Variants in DAAM1 observed in about 807,000 individuals in gnomAD.
DAAM1 encodes the protein disheveled-associated activator of morphogenesis 1.
A neutral mutation model predicts 130.0 loss-of-function variants in DAAM1; 52 were observed. The ratio of observed to expected loss-of-function variants is 0.40; its 90% CI spans 0.32 to 0.50. The LOEUF is 0.50. DAAM1 is among the 20% of genes least tolerant of loss of function. The probability of loss-of-function intolerance (pLI) is 0.61; values close to 1 mark genes in which losing one functional copy is unlikely to be tolerated. For missense variants in DAAM1, 1,134 were observed against 1,303.8 expected (o/e 0.87, Z 2.01); for synonymous variants, 452 against 444.5 (o/e 1.02, Z -0.21).
Position 59,369,768 on chromosome 14 carries a change from A to AAAG in DAAM1, c.*911_*912insGAA, listed in dbSNP as rs1887082845. 6.6e-6 allele frequency: 1 copy of AAAG among 150,842 alleles called. No homozygotes were observed. Among genetic ancestry groups the AAAG allele is most frequent in the East Asian group, 1.9e-4 (1 of 5,180 alleles). 9.3% of individuals were successfully genotyped at this position (150,842 alleles called of 1,614,324 possible). On this transcript the variant is annotated 3_prime_UTR_variant, in exon 25 of 25. Transcript: ENST00000360909. ...TAAAGATTACTAAAAAAAAAAAAAAAAAAAAAAAATTAATGGGGTGCCTTT... is the reference window on the plus strand; with the variant it reads ...TAAAGATTACTAAAAAAAAAAAAAAAAAGAAAAAAAAATTAATGGGGTGCCTTT...
chr14:59,368,365 A>C (rs1015089999), intron 24 of DAAM1, among the ~76,000 whole-genome samples: 1 of 152,046 alleles, frequency 6.6e-6, no homozygotes, highest in South Asian at 2.1e-4. Flanking sequence ...AGAAACACAA[A>C]TTGCCTCAAT....
chr14:59,275,875 A>G lies in DAAM1; in HGVS notation c.183+12215A>G, dbSNP rs186372539. On this transcript the variant is annotated intron_variant, in intron 2 of 24. Coordinates refer to ENST00000360909, the MANE Select transcript of DAAM1 (RefSeq NM_001270520.2). The stretch of plus-strand genomic sequence containing the variant: ...TCAGACACAGAGAATATTACTGTGT[A>G]GGTGGTGGTGAGTCATATTGTGGTA... 1.1e-3 allele frequency among the ~76,000 whole-genome samples: 170 copies of G among 152,332 alleles called. 2 individuals carry two copies. The highest frequency in any genetic ancestry group is 3.9e-3 in the African/African-American group (162 of 41,576).
intron 1 of DAAM1, among the ~76,000 whole-genome samples, chr14:59,255,786 T>G (rs2139490288): frequency 6.6e-6 from 1 of 152,352 alleles, no homozygotes; most frequent in South Asian, 2.1e-4. Context: ...GAACAATGAC[T>G]ATATTTTAGT....
chr14:59,341,933 C>T (rs1885865809), intron 16 of DAAM1, among the ~76,000 whole-genome samples: 1 of 151,984 alleles, frequency 6.6e-6, no homozygotes, highest in African/African-American at 2.4e-5. Context: ...GACCTCGTTC[C>T]TTATTGACAG....
At chr14:59,265,504 A>C (rs1882393603) in intron 2 of DAAM1, 2 of 152,192 alleles carry the variant, frequency 1.3e-5, no homozygotes, top group Non-Finnish European at 2.9e-5. Context: ...TGGCAACAAA[A>C]GAATAATCAC....
intron 1 of DAAM1, among the ~76,000 whole-genome samples, chr14:59,236,386 C>T (rs1189707776): frequency 6.6e-6 from 1 of 152,054 alleles, no homozygotes; most frequent in East Asian, 1.9e-4. Context: ...TGGCTTCTTG[C>T]CTCTTCCTCT....
chr14:59,347,775 A>T, intron 17 of DAAM1, 152 bp downstream of exon 17: 1 of 682,632 alleles, frequency 1.5e-6, no homozygotes, highest in Non-Finnish European at 2.5e-6. Flanking sequence ...CTGTTAGGAA[A>T]CTTAATGACC....
intron 17 of DAAM1, 74 bp from the exon 18 acceptor site, chr14:59,352,452 A>C: frequency 8.7e-7 from 1 of 1,149,862 alleles, no homozygotes; most frequent in Admixed American, 2.1e-5. Context: ...GGACAGATTA[A>C]CTGAAAGGGT....
intron 14 of DAAM1, 86 bp downstream of exon 14, chr14:59,331,594 G>A: frequency 1.3e-6 from 2 of 1,511,156 alleles, no homozygotes; most frequent in Non-Finnish European, 1.8e-6. Context: ...AGCCCTGGCT[G>A]TTAAATGATT....
At chr14:59,208,222 G>A (rs552641324) in intron 1 of DAAM1, among the ~76,000 whole-genome samples, 1 of 152,152 alleles carries the variant, frequency 6.6e-6, no homozygotes, top group South Asian at 2.1e-4. Flanking sequence ...CCAGTTGACC[G>A]AATAGACACC....
rs984083430 is a variant in DAAM1, at chr14:59,230,346, C to T, written c.-37-33095C>T. 5.9e-5 allele frequency among the ~76,000 whole-genome samples: 9 copies of T among 151,820 alleles called. No homozygotes were observed. The East Asian group carries it at 1.2e-3, about 20-fold the overall frequency. ...CCCCACAAGCTAGGATTCCCTTACC[C>T]AGGAGGCATTGGTGTGCCACGGGGT... On this transcript the variant is annotated intron_variant, in intron 1 of 24. Transcript: ENST00000360909.
In DAAM1 at chr14:59,363,701, G is replaced by A; in HGVS notation, c.2745G>A (p.Val915=). The A allele has an allele frequency of 1.2e-6, 2 of 1,614,164 alleles. No individual in the cohort carries two copies. Among genetic ancestry groups the A allele is most frequent in the African/African-American group, 1.3e-5 (1 of 75,054 alleles). The part of the protein sequence containing the change: ...SQPPQPGDKF[V]SVVSQFITVA... ...CCCCACAGCCCGGAGATAAGTTTGT[G>A]TCTGTTGTCAGCCAGTTCATCACAG... The change falls in exon 23 of 25, where the codon GTG becomes GTA. Residue 915 remains valine, a synonymous_variant. Coordinates refer to ENST00000360909, the MANE Select transcript of DAAM1 (RefSeq NM_001270520.2).
intron 24 of DAAM1, 55 bp downstream of exon 24, chr14:59,367,654 C>T (rs1886973557): frequency 6.4e-7 from 1 of 1,569,548 alleles, no homozygotes; most frequent in Admixed American, 1.8e-5. Context: ...ATGACTGCAG[C>T]CCAGTCAAAG....
chr14:59,192,472 G>T lies in DAAM1; in HGVS notation c.-38+3704G>T, dbSNP rs112942625. Among the ~76,000 whole-genome samples, 23 of 152,238 alleles carry T rather than the reference G, an allele frequency of 1.5e-4. 1 individual carries two copies. The highest frequency in any genetic ancestry group is 5.1e-4 in the African/African-American group (21 of 41,542). ...ATCACAGAGCTTGTAACTGCTGTGG[G>T]GCCCTCCCTGGCTTCAAGCCGTGCT... On this transcript the variant is annotated intron_variant, in intron 1 of 24. Transcript: ENST00000360909.
chr14:59,302,941 AC>A (rs1884232394), intron 3 of DAAM1, among the ~76,000 whole-genome samples: 1 of 152,208 alleles, frequency 6.6e-6, no homozygotes, highest in Admixed American at 6.5e-5. Context: ...GGCATGAGCC[AC>A]CGTGCCCAGC....
intron 23 of DAAM1, 99 bp from the exon 24 acceptor site, chr14:59,367,329 AC>A: frequency 6.8e-7 from 1 of 1,479,314 alleles, no homozygotes; most frequent in South Asian, 1.5e-5. Flanking sequence ...AACAAAACTT[AC>A]GTTTGACTCA....
chr14:59,215,966 A>T (rs780345747), intron 1 of DAAM1, among the ~76,000 whole-genome samples: 7 of 152,162 alleles, frequency 4.6e-5, no homozygotes, highest in Non-Finnish European at 5.9e-5. Context: ...GCGGGACCAT[A>T]TGAATGACAG....
Position 59,368,870 on chromosome 14 carries a change from A to G in DAAM1, c.*11A>G. 2.5e-6 allele frequency: 4 copies of G among 1,612,018 alleles called. No homozygotes were observed. Among genetic ancestry groups the G allele is most frequent in the Non-Finnish European group, 2.5e-6 (3 of 1,178,762 alleles). ...AAACTTAATTTCTAATTTTCCATGA[A>G]TACTTTTTTTTAGAAAGCTCATTAG... On this transcript the variant is annotated 3_prime_UTR_variant, in exon 25 of 25. Transcript: ENST00000360909.
intron 1 of DAAM1, among the ~76,000 whole-genome samples, chr14:59,203,928 A>G (rs1291728325): frequency 6.6e-6 from 1 of 152,224 alleles, no homozygotes; most frequent in African/African-American, 2.4e-5. Flanking sequence ...TTTAACAGGG[A>G]TTATGTAGCT....
Sources: allele counts gnomAD v4.1 joint callset (sites outside exome capture counted in the v4.1 genomes callset), GRCh38; gene constraint gnomAD v4.1.1; transcripts MANE v1.5; gene names NCBI Gene and HGNC (gene_info 2026-07-23, HGNC 2026-07-21).